RANBP17: variants seen among roughly 807,000 people sequenced by gnomAD.
RANBP17 encodes RAN binding protein 17.
RANBP17 carries 158 observed loss-of-function variants against 141.2 expected under a neutral mutation model. That is an observed-to-expected ratio of 1.12 (90% CI 0.98 to 1.28). The LOEUF (loss-of-function observed/expected upper bound fraction) is 1.28, where lower values mean the gene tolerates loss of function less well. Ranked by LOEUF, RANBP17 falls within the 50% of genes most tolerant of loss-of-function variation. The pLI is 0.00. For missense variants in RANBP17, 1,438 were observed against 1,290.7 expected (o/e 1.11, Z -1.75); for synonymous variants, 430 against 450.0 (o/e 0.96, Z 0.56).
chr5:170,958,691 T>C (rs962807944), intron 13 of RANBP17, among the ~76,000 whole-genome samples: 2 of 152,104 alleles, frequency 1.3e-5, no homozygotes, highest in African/African-American at 2.4e-5. Context: ...TAGAAGATCA[T>C]GAAGCTCCTG....
intron 24 of RANBP17, chr5:171,252,313 G>A (rs1765624983): frequency 1.9e-6 from 3 of 1,547,972 alleles, no homozygotes; most frequent in Non-Finnish European, 2.7e-6. Flanking sequence ...CAGCACCCCA[G>A]ACCCAATGCG....
chr5:171,047,281 G>A (rs1408026272), intron 14 of RANBP17, among the ~76,000 whole-genome samples: 1 of 151,472 alleles, frequency 6.6e-6, no homozygotes, highest in Non-Finnish European at 1.5e-5. Context: ...GCACCCCAAA[G>A]TGTTGGGATT....
chr5:171,081,401 T>C (rs1785251369), intron 14 of RANBP17, among the ~76,000 whole-genome samples: 1 of 152,162 alleles, frequency 6.6e-6, no homozygotes, highest in Non-Finnish European at 1.5e-5. Flanking sequence ...TTATGAGATA[T>C]TAGATTGCTG....
At chr5:171,282,979 A>G (rs1767944837) in intron 25 of RANBP17, among the ~76,000 whole-genome samples, 1 of 151,856 alleles carries the variant, frequency 6.6e-6, no homozygotes, top group Non-Finnish European at 1.5e-5. Flanking sequence ...AGTACTCCCC[A>G]TCCACCCTTT....
rs777993797 is a variant in RANBP17 at position 171,170,140 on chromosome 5, G to A, written c.1721G>A (p.Arg574His). 1.3e-5 allele frequency: 21 copies of A among 1,568,044 alleles called. No individual in the cohort carries two copies. In the Admixed American group the frequency reaches 1.8e-4, roughly 13 times the overall value. ...AATGTTTTAATGCAGGTATATGCTC[G>A]TATGTCAGAAGTCTTAGGAATAACA... is the stretch of plus-strand genomic sequence containing the variant. ...QLQRTSKVYA[R>H]MSEVLGITDD... Residue 574 changes from arginine to histidine, a missense_variant, in exon 15 of 28, where the codon CGT becomes CAT. By Grantham distance (29) the Arg-to-His change is conservative. Transcript: ENST00000523189.
rs538669127 is a variant in RANBP17 at position 170,862,039 on chromosome 5, G to A, written c.6G>A (p.Ala2=). 8 of 1,463,288 alleles carry A rather than the reference G, an allele frequency of 5.5e-6. No homozygotes were observed. In the South Asian group the frequency reaches 6.5e-5, roughly 12 times the overall value. The allele number at this position is 1,463,288 out of a possible 1,614,324, so 90.6% of individuals were successfully genotyped here. The change falls in exon 1 of 28, where the codon GCG becomes GCA. Residue 2 remains alanine, a synonymous_variant. Coordinates refer to ENST00000523189, the MANE Select transcript of RANBP17 (RefSeq NM_022897.5). The stretch of plus-strand genomic sequence containing the variant: ...CGGCGCCGCCTCCTGGGAAGATGGC[G>A]CTGCACTTCCAGGTCAGTGTGCTCT... M[A]LHFQSLAELE...
chr5:171,019,312 G>A (rs1310934002), intron 14 of RANBP17, among the ~76,000 whole-genome samples: 1 of 152,188 alleles, frequency 6.6e-6, no homozygotes, highest in South Asian at 2.1e-4. Context: ...CAATTGTTTG[G>A]AATAGTTTCA....
chr5:171,296,404 A>C (rs755551694), intron 27 of RANBP17, among the ~76,000 whole-genome samples: 1 of 152,212 alleles, frequency 6.6e-6, no homozygotes, highest in African/African-American at 2.4e-5. Flanking sequence ...CCCGAGATAC[A>C]GCTGAGTTAG....
intron 14 of RANBP17, among the ~76,000 whole-genome samples, chr5:171,077,208 C>T (rs1462807468): frequency 2.6e-5 from 4 of 151,968 alleles, no homozygotes; most frequent in Non-Finnish European, 2.9e-5. Flanking sequence ...GGTGTGGTGG[C>T]GGGCGCCTGT....
chr5:170,932,414 G>A (rs1410463251), intron 12 of RANBP17, among the ~76,000 whole-genome samples: 1 of 152,162 alleles, frequency 6.6e-6, no homozygotes, highest in African/African-American at 2.4e-5. Context: ...TCTGCTGCCT[G>A]ATTGCCCTGG....
intron 14 of RANBP17, among the ~76,000 whole-genome samples, chr5:171,099,077 G>T (rs1232121353): frequency 2.0e-5 from 3 of 152,074 alleles, no homozygotes; most frequent in Non-Finnish European, 2.9e-5. Flanking sequence ...TTTTGCTTAG[G>T]ATTGTCATGG....
chr5:171,131,558 G>A (rs550212920), intron 14 of RANBP17, among the ~76,000 whole-genome samples: 264 of 152,338 alleles, frequency 1.7e-3, no homozygotes, highest in Non-Finnish European at 2.3e-3. Context: ...CAGTGCAAGT[G>A]TAAAGAGACC....
At chr5:171,170,638 A>G (rs1231883946) in intron 15 of RANBP17, among the ~76,000 whole-genome samples, 1 of 152,166 alleles carries the variant, frequency 6.6e-6, no homozygotes, top group Non-Finnish European at 1.5e-5. Flanking sequence ...ATATTCATGG[A>G]AACTGTCCTT....
At chr5:170,991,528 C>G (rs1406827649) in intron 14 of RANBP17, among the ~76,000 whole-genome samples, 1 of 151,916 alleles carries the variant, frequency 6.6e-6, no homozygotes, top group Non-Finnish European at 1.5e-5. Flanking sequence ...TAGTTATCAA[C>G]AATCCAGTTA....
At chr5:171,071,961 G>A (rs1784660251) in intron 14 of RANBP17, among the ~76,000 whole-genome samples, 1 of 151,988 alleles carries the variant, frequency 6.6e-6, no homozygotes, top group Non-Finnish European at 1.5e-5. Flanking sequence ...GTGCTGAATG[G>A]GAGAAAACAT....
intron 14 of RANBP17, among the ~76,000 whole-genome samples, chr5:170,983,846 G>C: frequency 6.6e-6 from 1 of 152,100 alleles, no homozygotes; most frequent in Admixed American, 6.5e-5. Flanking sequence ...AAGGCTTCTG[G>C]GAGAGAAGAT....
intron 12 of RANBP17, among the ~76,000 whole-genome samples, chr5:170,936,791 T>C (rs767091033): frequency 1.3e-5 from 2 of 152,226 alleles, no homozygotes; most frequent in Non-Finnish European, 2.9e-5. Context: ...ATTATATTGT[T>C]TGCAGAGAGA....
chr5:170,909,497 A>G (rs1368149944), intron 5 of RANBP17, among the ~76,000 whole-genome samples, 164 bp from the exon 6 acceptor site: 1 of 149,906 alleles, frequency 6.7e-6, no homozygotes, highest in East Asian at 2.0e-4. Flanking sequence ...TTTGGTTTTT[A>G]GTATTGGGAT....
chr5:171,081,142 A>G (rs1785237501), intron 14 of RANBP17, among the ~76,000 whole-genome samples: 1 of 152,168 alleles, frequency 6.6e-6, no homozygotes, highest in Admixed American at 6.5e-5. Context: ...TTATCCTTTT[A>G]CTACTTTCCA....
Sources: allele counts gnomAD v4.1 joint callset (sites outside exome capture counted in the v4.1 genomes callset), GRCh38; gene constraint gnomAD v4.1.1; transcripts MANE v1.5; gene names NCBI Gene and HGNC (gene_info 2026-07-23, HGNC 2026-07-21).